Variants in CCDC91 observed in about 807,000 individuals in gnomAD.
CCDC91 encodes the protein coiled-coil domain containing 91.
A neutral mutation model predicts 63.2 loss-of-function variants in CCDC91; 48 were observed. That is an observed-to-expected ratio of 0.76 (90% CI 0.60 to 0.97). The LOEUF is 0.97. CCDC91 is among the 50% of genes least tolerant of loss of function. The pLI is 0.00. For synonymous variants in CCDC91, 167 were observed against 165.8 expected, an observed-to-expected ratio of 1.01 and a Z score of -0.06; for missense variants, 500 against 494.6, an observed-to-expected ratio of 1.01 and a Z score of -0.10.
chr12:28,509,032 A>G (rs1304919430), intron 12 of CCDC91, among the ~76,000 whole-genome samples: 1 of 151,966 alleles, frequency 6.6e-6, no homozygotes, highest in Non-Finnish European at 1.5e-5. Flanking sequence ...ATAGTCTGTG[A>G]TAAGACTTCT....
At chr12:28,446,474 C>G (rs1734495446) in intron 8 of CCDC91, among the ~76,000 whole-genome samples, 1 of 152,046 alleles carries the variant, frequency 6.6e-6, no homozygotes, top group Non-Finnish European at 1.5e-5. Flanking sequence ...GTAGGGAGAG[C>G]CCTCCCCTTC....
intron 3 of CCDC91, among the ~76,000 whole-genome samples, chr12:28,301,719 T>A (rs997626036): frequency 6.6e-6 from 1 of 151,622 alleles, no homozygotes; most frequent in African/African-American, 2.4e-5. Context: ...TAGTTGCCTA[T>A]TTTTTTCACA....
chr12:28,495,884 TGTTA>T (rs926188417), intron 12 of CCDC91, among the ~76,000 whole-genome samples: 4 of 151,678 alleles, frequency 2.6e-5, no homozygotes, highest in African/African-American at 9.7e-5. Flanking sequence ...GTTAATAATT[TGTTA>T]GTTTGCTGCT....
intron 11 of CCDC91, among the ~76,000 whole-genome samples, chr12:28,473,753 T>C (rs1341146870): frequency 6.6e-6 from 1 of 152,122 alleles, no homozygotes; most frequent in African/African-American, 2.4e-5. Flanking sequence ...TTTTTTAATT[T>C]ACTATTGATT....
At chr12:28,407,947 TATAC>T (rs201980145) in intron 8 of CCDC91, among the ~76,000 whole-genome samples, 1,303 of 45,096 alleles carry the variant, frequency 0.029, 17 homozygotes, top group African/African-American at 0.048. Context: ...TACATAGATA[TATAC>T]ATATATATAT....
chr12:28,408,462 ACTTTTTAATAATAGCCATTCTGACTGG>A (rs1238783204), intron 8 of CCDC91, among the ~76,000 whole-genome samples: 1 of 151,910 alleles, frequency 6.6e-6, no homozygotes, highest in Non-Finnish European at 1.5e-5. Flanking sequence ...CATGCGTCTG[ACTTTTTAATAATAGCCATTCTGACTGG>A]CGTTGAGATG....
At chr12:28,411,249 T>C (rs1947299946) in intron 8 of CCDC91, among the ~76,000 whole-genome samples, 1 of 152,164 alleles carries the variant, frequency 6.6e-6, no homozygotes, top group South Asian at 2.1e-4. Context: ...AAAAAAAAAG[T>C]ATGTTTTAAA....
intron 3 of CCDC91, among the ~76,000 whole-genome samples, chr12:28,264,438 A>C (rs1410297157): frequency 6.7e-6 from 1 of 149,478 alleles, no homozygotes; most frequent in Non-Finnish European, 1.5e-5. Flanking sequence ...ATAAATGTTC[A>C]TAAGGCTAGT....
At chr12:28,324,021 A>G (rs1281828315) in intron 6 of CCDC91, among the ~76,000 whole-genome samples, 1 of 151,912 alleles carries the variant, frequency 6.6e-6, no homozygotes, top group Non-Finnish European at 1.5e-5. Flanking sequence ...TATTTCTTGC[A>G]GTTGATATGG....
intron 11 of CCDC91, among the ~76,000 whole-genome samples, chr12:28,482,440 T>C (rs1460113677): frequency 3.3e-5 from 5 of 151,924 alleles, no homozygotes; most frequent in African/African-American, 7.2e-5. Flanking sequence ...TTTCAGAATT[T>C]TCAGTTAATT....
chr12:28,204,476 C>G (rs1942696722), intron 1 of CCDC91, among the ~76,000 whole-genome samples: 1 of 152,070 alleles, frequency 6.6e-6, no homozygotes, highest in South Asian at 2.1e-4. Flanking sequence ...TGATATATTT[C>G]ATCATTCAGA....
At chr12:28,491,923 A>G (rs1952030469) in intron 12 of CCDC91, among the ~76,000 whole-genome samples, 1 of 147,542 alleles carries the variant, frequency 6.8e-6, no homozygotes, top group African/African-American at 2.5e-5. Flanking sequence ...GTATGTGTGT[A>G]TATATCAAAA....
rs889896630 is a variant in CCDC91, at chr12:28,277,963, C to T, written c.109+18521C>T. Among the ~76,000 whole-genome samples, 11 of 152,040 alleles carry T rather than the reference C, an allele frequency of 7.2e-5. No individual in the cohort carries two copies. The East Asian group carries it at 7.7e-4, about 11-fold the overall frequency. On this transcript the variant is annotated intron_variant, in intron 3 of 12. Transcript: ENST00000536442. ...AAACTGAAAATTACTTTGTACCTCC[C>T]GGCACATATTTGCAATTTGTTCCTA...
chr12:28,367,152 T>G (rs1944328546), intron 7 of CCDC91, among the ~76,000 whole-genome samples: 1 of 152,188 alleles, frequency 6.6e-6, no homozygotes, highest in African/African-American at 2.4e-5. Context: ...CAGATTCCAG[T>G]TTTAGAATTA....
intron 3 of CCDC91, chr12:28,304,735 A>C: frequency 1.1e-6 from 1 of 923,124 alleles, no homozygotes; most frequent in South Asian, 1.5e-5. Flanking sequence ...AGAAAGTTAA[A>C]ATGTATAAAT....
rs1182533596 is a variant in CCDC91 at position 28,483,123 on chromosome 12, T to G, written c.1102-929T>G. Among the ~76,000 whole-genome samples the G allele has an allele frequency of 3.3e-5, 5 of 152,004 alleles. No homozygotes were observed. In the Admixed American group the frequency reaches 3.3e-4, roughly 10 times the overall value. On this transcript the variant is annotated intron_variant, in intron 11 of 12. Coordinates refer to ENST00000536442, the MANE Select transcript of CCDC91 (RefSeq NM_018318.5). ...AAATAGATTTGAAATAGAGAATCCT[T>G]TATATTATTGTATATTTTCTGAGTT... is the stretch of plus-strand genomic sequence containing the variant.
intron 8 of CCDC91, among the ~76,000 whole-genome samples, chr12:28,429,820 T>C (rs1339523563): frequency 6.6e-6 from 1 of 150,680 alleles, no homozygotes; most frequent in African/African-American, 2.5e-5. Flanking sequence ...AATTTTGTAA[T>C]TACAAATCAA....
At chr12:28,204,037 T>G (rs2121519966) in intron 1 of CCDC91, among the ~76,000 whole-genome samples, 1 of 152,230 alleles carries the variant, frequency 6.6e-6, no homozygotes, top group African/African-American at 2.4e-5. Context: ...TATTTGTGGG[T>G]TTTGATGCCT....
rs558406994 is a variant in CCDC91, at chr12:28,349,257, T to C, written c.577-13181T>C. 2.9e-4 allele frequency among the ~76,000 whole-genome samples: 44 copies of C among 152,330 alleles called. No individual in the cohort carries two copies. The South Asian group carries it at 8.5e-3, about 29-fold the overall frequency. ...GTTATTGTCTGATGATATTTGTCTT[T>C]CATTTAGAAGCTTTCTCTAAATGTT... On this transcript the variant is annotated intron_variant, in intron 6 of 12. Transcript: ENST00000536442.
Sources: gnomAD v4.1 joint callset for allele counts (sites outside exome capture counted in the v4.1 genomes callset) on GRCh38, gnomAD v4.1.1 for gene constraint, MANE v1.5 for transcripts, NCBI Gene and HGNC (gene_info 2026-07-23, HGNC 2026-07-21) for gene names.